DLG2: variants seen among roughly 807,000 people sequenced by gnomAD.
DLG2 encodes the protein disks large homolog 2.
DLG2 carries 45 observed loss-of-function variants against 132.5 expected under a neutral mutation model. The ratio of observed to expected loss-of-function variants is 0.34; its 90% confidence interval spans 0.27 to 0.44. The LOEUF (loss-of-function observed/expected upper bound fraction) is 0.44, where lower values mean the gene tolerates loss of function less well. DLG2 is among the 20% of genes least tolerant of loss of function. The pLI, the probability that DLG2 is intolerant of heterozygous loss-of-function variation, is 1.00. For missense variants in DLG2, 1,045 were observed against 1,196.9 expected (o/e 0.87, Z 1.87); for synonymous variants, 424 against 419.6 (o/e 1.01, Z -0.13).
At chr11:83,662,146 C>A (rs1343646945) in intron 18 of DLG2, among the ~76,000 whole-genome samples, 1 of 152,036 alleles carries the variant, frequency 6.6e-6, no homozygotes, top group Non-Finnish European at 1.5e-5. Flanking sequence ...TTGTTTGACT[C>A]CAAAGTTCAT....
chr11:84,507,789 G>T (rs2154513364), intron 7 of DLG2, among the ~76,000 whole-genome samples: 1 of 152,252 alleles, frequency 6.6e-6, no homozygotes, highest in South Asian at 2.1e-4. Context: ...ACTTGCATAT[G>T]TTGAACCAGC....
intron 3 of DLG2, among the ~76,000 whole-genome samples, chr11:85,588,623 T>C (rs1002877653): frequency 6.6e-6 from 1 of 152,202 alleles, no homozygotes; most frequent in African/African-American, 2.4e-5. Flanking sequence ...TTTTCCCCTT[T>C]CTCTGGTATC....
chr11:83,943,533 C>T (rs1317117970), intron 14 of DLG2, among the ~76,000 whole-genome samples: 1 of 152,174 alleles, frequency 6.6e-6, no homozygotes, highest in Admixed American at 6.5e-5. Flanking sequence ...AACAAGATGG[C>T]TTAACTGGTA....
At position 85,377,901 on chromosome 11, in the gene DLG2, A is replaced by G. The variant is rs929713137; in HGVS notation, c.41-92536T>C. Among the ~76,000 whole-genome samples the G allele has an allele frequency of 7.9e-5, 12 of 151,292 alleles. 1 individual carries two copies. Among genetic ancestry groups the G allele is most frequent in the African/African-American group, 2.9e-4 (12 of 41,302 alleles). ...CACACACACAAACACACACACACATACATATATATATACACATATTTCAAT... is the reference window on the plus strand; with the variant it reads ...CACACACACAAACACACACACACATGCATATATATATACACATATTTCAAT... On this transcript the variant is annotated intron_variant, in intron 3 of 27. Coordinates refer to ENST00000376104, the MANE Select transcript of DLG2 (RefSeq NM_001142699.3).
intron 6 of DLG2, among the ~76,000 whole-genome samples, chr11:84,951,678 A>T (rs969844461): frequency 1.3e-5 from 2 of 150,166 alleles, no homozygotes; most frequent in Non-Finnish European, 3.0e-5. Context: ...ATACACACAC[A>T]TATATATGCA....
At chr11:84,021,148 T>C (rs543753177) in intron 11 of DLG2, among the ~76,000 whole-genome samples, 8 of 152,302 alleles carry the variant, frequency 5.3e-5, no homozygotes, top group Admixed American at 3.9e-4. Context: ...ACCTATTTTC[T>C]AGCCCCTTTA....
At chr11:85,530,991 C>A (rs6592249) in intron 3 of DLG2, among the ~76,000 whole-genome samples, 6,152 of 152,224 alleles carry the variant, frequency 0.04, 397 homozygotes, top group African/African-American at 0.14. Flanking sequence ...CTGCCCTCCC[C>A]CTATTTCCCT....
intron 18 of DLG2, among the ~76,000 whole-genome samples, chr11:83,693,269 G>C (rs1298211582): frequency 6.6e-6 from 1 of 152,134 alleles, no homozygotes. Flanking sequence ...GTGCACACAG[G>C]AAAAGTTGTC....
chr11:84,410,228 G>A (rs1180711033), intron 7 of DLG2, among the ~76,000 whole-genome samples: 2 of 152,118 alleles, frequency 1.3e-5, no homozygotes, highest in Non-Finnish European at 2.9e-5. Context: ...ATGCCAAGTG[G>A]CTCAGAGTGA....
chr11:84,368,252 A>G (rs1357777178), intron 7 of DLG2, among the ~76,000 whole-genome samples: 6 of 152,120 alleles, frequency 3.9e-5, no homozygotes, highest in Non-Finnish European at 5.9e-5. Flanking sequence ...TATATGCTCA[A>G]TCTACTTTTT....
chr11:84,356,732 G>A (rs894382149), intron 7 of DLG2, among the ~76,000 whole-genome samples: 3 of 151,952 alleles, frequency 2.0e-5, no homozygotes, highest in Admixed American at 6.6e-5. Context: ...TACAAAGAAC[G>A]CTCAAAGGAG....
chr11:85,262,567 T>C (rs75095640), intron 4 of DLG2, among the ~76,000 whole-genome samples: 13,894 of 152,184 alleles, frequency 0.091, 828 homozygotes, highest in African/African-American at 0.16. Context: ...AGCACCTGGA[T>C]CCATTCAGAT....
intron 15 of DLG2, among the ~76,000 whole-genome samples, chr11:83,926,478 T>C (rs756018301): frequency 6.6e-6 from 1 of 152,164 alleles, no homozygotes; most frequent in Non-Finnish European, 1.5e-5. Flanking sequence ...CAGGCATTTC[T>C]TCAACATTTT....
At chr11:83,879,509 G>A (rs2065612460) in intron 15 of DLG2, among the ~76,000 whole-genome samples, 4 of 151,216 alleles carry the variant, frequency 2.6e-5, no homozygotes, top group Admixed American at 2.0e-4. Context: ...CTCTTTTTCT[G>A]TCTACTTTCC....
At chr11:83,987,493 A>G (rs2093411325) in intron 11 of DLG2, among the ~76,000 whole-genome samples, 1 of 152,200 alleles carries the variant, frequency 6.6e-6, no homozygotes, top group Non-Finnish European at 1.5e-5. Flanking sequence ...TGGTACCAAA[A>G]CAGAGATATA....
intron 18 of DLG2, among the ~76,000 whole-genome samples, chr11:83,694,123 G>A (rs1008731790): frequency 4.6e-5 from 7 of 152,184 alleles, no homozygotes; most frequent in East Asian, 1.9e-4. Flanking sequence ...AAGCAAAGCC[G>A]TGTCCCCAGG....
chr11:84,942,857 T>C (rs1271754102), intron 6 of DLG2, among the ~76,000 whole-genome samples: 2 of 152,268 alleles, frequency 1.3e-5, no homozygotes, highest in East Asian at 3.9e-4. Context: ...GATTTTTCCC[T>C]CTCTTTGGCT....
In DLG2 at chr11:85,325,137, G is replaced by A. The variant is rs550392388; in HGVS notation, c.41-39772C>T. 6.3e-4 allele frequency among the ~76,000 whole-genome samples: 85 copies of A among 135,426 alleles called. No homozygotes were observed. In the South Asian group the frequency reaches 7.8e-3, roughly 12 times the overall value. 88.8% of individuals were successfully genotyped at this position (135,426 alleles called of 152,430 possible). A position where few individuals can be genotyped will look rare whatever the true frequency, so the allele number is the denominator to read the frequency against. On this transcript the variant is annotated intron_variant, in intron 3 of 27. Coordinates refer to ENST00000376104, the MANE Select transcript of DLG2 (RefSeq NM_001142699.3). ...GAGGGTCCTACGCCCACGGAATCTCGCTGATTGCTAGCACAGCAGTCTGAG... is the reference window on the plus strand; with the variant it reads ...GAGGGTCCTACGCCCACGGAATCTCACTGATTGCTAGCACAGCAGTCTGAG...
chr11:83,762,559 C>G (rs1334064352), intron 18 of DLG2, among the ~76,000 whole-genome samples: 1 of 151,830 alleles, frequency 6.6e-6, no homozygotes, highest in East Asian at 1.9e-4. Context: ...AATGGCAAAC[C>G]TAAGTGTTGA....
Sources: allele counts gnomAD v4.1 joint callset (sites outside exome capture counted in the v4.1 genomes callset), GRCh38; gene constraint gnomAD v4.1.1; transcripts MANE v1.5; gene names NCBI Gene and HGNC (gene_info 2026-07-23, HGNC 2026-07-21).